Variants in TMEM38B observed in about 807,000 individuals in gnomAD.
The protein encoded by TMEM38B is trimeric intracellular cation channel type B.
A neutral mutation model predicts 28.7 loss-of-function variants in TMEM38B; 24 were observed. The ratio of observed to expected loss-of-function variants is 0.84; its 90% CI spans 0.61 to 1.18. The LOEUF (loss-of-function observed/expected upper bound fraction) is 1.18. TMEM38B is among the 50% of genes most tolerant of loss of function. The pLI, the probability that TMEM38B is intolerant of heterozygous loss-of-function variation, is 0.00. For synonymous variants in TMEM38B, 131 were observed against 127.7 expected, an observed-to-expected ratio of 1.03 and a Z score of -0.17; for missense variants, 380 against 350.9, an observed-to-expected ratio of 1.08 and a Z score of -0.66.
At chr9:105,760,201 C>A in intron 5 of TMEM38B, 1 of 906,844 alleles carries the variant, frequency 1.1e-6, no homozygotes, top group South Asian at 1.3e-5. Context: ...CCAAATGAGT[C>A]AAAATGTTGA....
chr9:105,728,076 T>A (rs1203805454), intron 4 of TMEM38B, among the ~76,000 whole-genome samples: 1 of 152,144 alleles, frequency 6.6e-6, no homozygotes, highest in Non-Finnish European at 1.5e-5. Flanking sequence ...TTACCAAGCC[T>A]CATGTATTTC....
At chr9:105,765,213 A>G (rs1309716815) in intron 5 of TMEM38B, among the ~76,000 whole-genome samples, 3 of 152,224 alleles carry the variant, frequency 2.0e-5, no homozygotes, top group Non-Finnish European at 4.4e-5. Context: ...TGAGATTAAA[A>G]TTATTTGGGG....
In TMEM38B at chr9:105,718,303, A is replaced by G. The variant is rs540107767; in HGVS notation, c.270-3234A>G. ...GCCTAGGCTGGAGTGCAATGGCACG[A>G]TCTCAGCTCACTGCAACCTCCGCCT... On this transcript the variant is annotated intron_variant, in intron 2 of 5. Coordinates refer to ENST00000374692, the MANE Select transcript of TMEM38B (RefSeq NM_018112.3). 9.9e-5 allele frequency among the ~76,000 whole-genome samples: 15 copies of G among 150,778 alleles called. No homozygotes were observed. The East Asian group carries it at 2.9e-3, about 29-fold the overall frequency.
intron 5 of TMEM38B, among the ~76,000 whole-genome samples, chr9:105,751,363 G>A (rs971957787): frequency 1.3e-5 from 2 of 152,174 alleles, no homozygotes; most frequent in Non-Finnish European, 2.9e-5. Flanking sequence ...TTTTCTCATG[G>A]ACCTTTGCGA....
At chr9:105,733,643 T>G (rs537584961) in intron 4 of TMEM38B, among the ~76,000 whole-genome samples, 9 of 147,604 alleles carry the variant, frequency 6.1e-5, no homozygotes, top group Non-Finnish European at 1.2e-4. Flanking sequence ...TTCCAGTCTC[T>G]TTGTTTGTTA....
At chr9:105,744,382 A>T (rs1356145001) in intron 4 of TMEM38B, among the ~76,000 whole-genome samples, 1 of 152,004 alleles carries the variant, frequency 6.6e-6, no homozygotes, top group African/African-American at 2.4e-5. Context: ...TGCCATTTTT[A>T]ACTTAGAACG....
chr9:105,704,963 G>A (rs148638253), intron 1 of TMEM38B, among the ~76,000 whole-genome samples: 181 of 152,050 alleles, frequency 1.2e-3, no homozygotes, highest in African/African-American at 4.1e-3. Context: ...AAGTGATGAT[G>A]TGTTCTCAGT....
chr9:105,731,834 G>A (rs544010527), intron 4 of TMEM38B, among the ~76,000 whole-genome samples: 65 of 152,226 alleles, frequency 4.3e-4, no homozygotes, highest in Middle Eastern at 3.4e-3. Context: ...TAATGGGATC[G>A]CTGGGTTAAA....
chr9:105,743,383 T>C (rs564148904), intron 4 of TMEM38B, among the ~76,000 whole-genome samples: 1 of 152,316 alleles, frequency 6.6e-6, no homozygotes, highest in South Asian at 2.1e-4. Context: ...ATTAAATAAA[T>C]AAAATAATAA....
intron 4 of TMEM38B, among the ~76,000 whole-genome samples, chr9:105,724,425 C>G (rs1225090736): frequency 1.3e-5 from 2 of 151,924 alleles, no homozygotes; most frequent in Non-Finnish European, 2.9e-5. Context: ...GAGTTCGACA[C>G]GAGCCTGGGC....
chr9:105,769,059 G>A (rs1826462837), intron 5 of TMEM38B, among the ~76,000 whole-genome samples: 1 of 152,162 alleles, frequency 6.6e-6, no homozygotes, highest in Non-Finnish European at 1.5e-5. Context: ...AAATAGCTGT[G>A]ATAAAATACT....
intron 5 of TMEM38B, among the ~76,000 whole-genome samples, chr9:105,756,510 C>T (rs1489163753): frequency 6.6e-6 from 1 of 152,042 alleles, no homozygotes; most frequent in Non-Finnish European, 1.5e-5. Flanking sequence ...TAACTTTAAT[C>T]TTTAAAGAAA....
rs1836955131 is a variant in TMEM38B at position 105,735,888 on chromosome 9, A to G, written c.543-12185A>G. 2.0e-5 allele frequency among the ~76,000 whole-genome samples: 3 copies of G among 152,026 alleles called. 1 individual carries two copies. In the South Asian group the frequency reaches 6.2e-4, roughly 32 times the overall value. On this transcript the variant is annotated intron_variant, in intron 4 of 5. Coordinates refer to ENST00000374692, the MANE Select transcript of TMEM38B (RefSeq NM_018112.3). ...TTTATTAAAAAAAATTTTTTTAGAG[A>G]CAGTGTCTTGCTCTGTTGCCCAAGC...
intron 5 of TMEM38B, chr9:105,758,569 A>C (rs1348835970): frequency 1.9e-5 from 22 of 1,153,096 alleles, no homozygotes; most frequent in Non-Finnish European, 2.5e-5. Context: ...TTTCTTAAGA[A>C]TCATGTAATT....
chr9:105,719,497 T>G (rs1224838163), intron 2 of TMEM38B, among the ~76,000 whole-genome samples: 1 of 152,212 alleles, frequency 6.6e-6, no homozygotes, highest in Non-Finnish European at 1.5e-5. Flanking sequence ...GAATGGTTGT[T>G]GAGTGTGCCA....
At chr9:105,730,558 A>G (rs1189012108) in intron 4 of TMEM38B, among the ~76,000 whole-genome samples, 1 of 152,194 alleles carries the variant, frequency 6.6e-6, no homozygotes, top group Non-Finnish European at 1.5e-5. Flanking sequence ...AGGCTTTGGT[A>G]TCAGGATGAT....
Position 105,705,755 on chromosome 9 carries a change from T to C in TMEM38B, c.269+2T>C. Reference sequence around the variant, plus strand: ...CATATTACTGGCATCTTCAATCTGGTAAGCTGCCAGTATGGTGACCTATGT... The same window carrying C: ...CATATTACTGGCATCTTCAATCTGGCAAGCTGCCAGTATGGTGACCTATGT... On this transcript the variant is annotated splice_donor_variant, in intron 2 of 5. Coordinates refer to ENST00000374692, the MANE Select transcript of TMEM38B (RefSeq NM_018112.3). LOFTEE classifies it high-confidence loss of function. 1 of 1,612,176 alleles carries C rather than the reference T, an allele frequency of 6.2e-7. No homozygotes were observed. The highest frequency in any genetic ancestry group is 8.5e-7 in the Non-Finnish European group (1 of 1,179,540).
intron 4 of TMEM38B, among the ~76,000 whole-genome samples, chr9:105,746,539 T>G (rs1837401865): frequency 6.6e-6 from 1 of 152,212 alleles, no homozygotes; most frequent in Non-Finnish European, 1.5e-5. Context: ...ACAATTTGAC[T>G]TCCTCTTTTC....
intron 1 of TMEM38B, among the ~76,000 whole-genome samples, chr9:105,703,746 G>A (rs1393670330): frequency 6.6e-6 from 1 of 151,932 alleles, no homozygotes; most frequent in African/African-American, 2.4e-5. Context: ...CATTCTAAGT[G>A]GTGTGAGATG....
Sources: allele counts gnomAD v4.1 joint callset (sites outside exome capture counted in the v4.1 genomes callset), GRCh38; gene constraint gnomAD v4.1.1; transcripts MANE v1.5; gene names NCBI Gene and HGNC (gene_info 2026-07-23, HGNC 2026-07-21).